Variants in XRCC5 observed in about 807,000 individuals in gnomAD.
XRCC5 encodes the protein X-ray repair cross complementing 5.
XRCC5 carries 12 observed loss-of-function variants against 95.7 expected under a neutral mutation model. The ratio of observed to expected loss-of-function variants is 0.13; its 90% CI spans 0.08 to 0.20. XRCC5 has a LOEUF of 0.20. Among genes scored for constraint, XRCC5 ranks in the 10% least tolerant of loss-of-function variants. XRCC5 has a pLI of 1.00. For missense variants in XRCC5, 595 were observed against 873.9 expected (o/e 0.68, Z 4.02); for synonymous variants, 281 against 290.3 (o/e 0.97, Z 0.33).
intron 2 of XRCC5, 91 bp from the exon 3 acceptor site, chr2:216,116,568 G>A: frequency 6.9e-7 from 1 of 1,458,762 alleles, no homozygotes; most frequent in Non-Finnish European, 9.5e-7. Context: ...GCCATAGGGA[G>A]GTCTGGTTGT....
At chr2:216,183,537 C>G (rs923383847) in intron 16 of XRCC5, among the ~76,000 whole-genome samples, 2 of 152,132 alleles carry the variant, frequency 1.3e-5, no homozygotes, top group Non-Finnish European at 2.9e-5. Flanking sequence ...AAATACAGGA[C>G]TGCATCTGTG....
At chr2:216,174,424 T>C (rs118384) in intron 16 of XRCC5, among the ~76,000 whole-genome samples, 38,885 of 152,060 alleles carry the variant, frequency 0.26, 6,116 homozygotes, top group Non-Finnish European at 0.37. Context: ...TAATTAACAA[T>C]AATCTTCTTT....
intron 19 of XRCC5, among the ~76,000 whole-genome samples, chr2:216,198,794 C>T (rs1689781909): frequency 6.6e-6 from 1 of 152,120 alleles, no homozygotes. Flanking sequence ...CTCAAGTGGT[C>T]CGCCCACCTT....
intron 14 of XRCC5, chr2:216,156,397 G>GAC: frequency 1.2e-6 from 1 of 810,532 alleles, no homozygotes; most frequent in South Asian, 1.3e-5. Context: ...TTAAGTGCTT[G>GAC]GCAACAAGTC....
intron 3 of XRCC5, chr2:216,117,539 G>A: frequency 2.0e-6 from 1 of 500,542 alleles, no homozygotes; most frequent in Non-Finnish European, 3.6e-6. Flanking sequence ...TATATTTCTT[G>A]GTTGTTTTTG....
chr2:216,194,104 C>T (rs1689670978), intron 18 of XRCC5, among the ~76,000 whole-genome samples: 1 of 152,172 alleles, frequency 6.6e-6, no homozygotes, highest in Admixed American at 6.5e-5. Flanking sequence ...CAAAAGCATA[C>T]AGTCATTTAA....
intron 11 of XRCC5, 25 bp downstream of exon 11, chr2:216,137,250 T>C (rs1697099163): frequency 6.3e-7 from 1 of 1,595,504 alleles, no homozygotes; most frequent in Non-Finnish European, 8.5e-7. Context: ...CTTAATGTTA[T>C]TTTTTTTCTT....
At chr2:216,199,977 C>T (rs1461117206) in intron 19 of XRCC5, among the ~76,000 whole-genome samples, 7 of 151,702 alleles carry the variant, frequency 4.6e-5, no homozygotes, top group Non-Finnish European at 7.4e-5. Flanking sequence ...ATGGATTTTC[C>T]ACCTTAGTAT....
At chr2:216,190,486 T>A in intron 17 of XRCC5, 152 bp downstream of exon 17, 1 of 562,542 alleles carries the variant, frequency 1.8e-6, no homozygotes, top group Non-Finnish European at 3.0e-6. Context: ...AAAAATGACT[T>A]AAATTCATGT....
At chr2:216,188,932 C>T (rs950169573) in intron 16 of XRCC5, among the ~76,000 whole-genome samples, 2 of 152,180 alleles carry the variant, frequency 1.3e-5, no homozygotes, top group African/African-American at 4.8e-5. Context: ...TAATGGAGAT[C>T]ATAATCTCCG....
Position 216,132,305 on chromosome 2 carries a change from A to G in XRCC5, c.1051-20A>G, listed in dbSNP as rs1433556447. 2.5e-6 allele frequency: 4 copies of G among 1,612,652 alleles called. No individual in the cohort carries two copies. Among genetic ancestry groups the G allele is most frequent in the Non-Finnish European group, 3.4e-6 (4 of 1,178,822 alleles). ...TGTTACTTATTTTGGATCAAAAGCA[A>G]TTCTTTTCCTCTCTTGTAGGTTCAG... is the stretch of plus-strand genomic sequence containing the variant. On this transcript the variant is annotated intron_variant, in intron 9 of 20. Transcript: ENST00000392132.
chr2:216,155,582 A>C (rs548387154), intron 14 of XRCC5, among the ~76,000 whole-genome samples: 1 of 152,334 alleles, frequency 6.6e-6, no homozygotes, highest in South Asian at 2.1e-4. Context: ...CAACCAGTGT[A>C]CTCGTCACTA....
intron 16 of XRCC5, among the ~76,000 whole-genome samples, chr2:216,180,693 C>G (rs1319117117): frequency 2.0e-5 from 3 of 152,010 alleles, no homozygotes; most frequent in Admixed American, 1.3e-4. Context: ...AGGAGAGGGC[C>G]CAAAGAAGGG....
At chr2:216,178,588 A>G (rs1317875770) in intron 16 of XRCC5, among the ~76,000 whole-genome samples, 3 of 152,240 alleles carry the variant, frequency 2.0e-5, no homozygotes, top group African/African-American at 7.2e-5. Flanking sequence ...CTTAGTAAGC[A>G]ATAATAAAAC....
At chr2:216,151,351 G>GGCA (rs1167548674) in intron 14 of XRCC5, among the ~76,000 whole-genome samples, 1 of 152,156 alleles carries the variant, frequency 6.6e-6, no homozygotes, top group Non-Finnish European at 1.5e-5. Flanking sequence ...GGACATCTCA[G>GGCA]GTCTAATCCT....
chr2:216,135,497 G>A (rs1697060644), intron 10 of XRCC5, among the ~76,000 whole-genome samples: 1 of 152,086 alleles, frequency 6.6e-6, no homozygotes, highest in Admixed American at 6.6e-5. Flanking sequence ...AGACAGTATA[G>A]AGGTAGAATT....
At chr2:216,200,838 A>G (rs1389564706) in intron 19 of XRCC5, among the ~76,000 whole-genome samples, 2 of 152,156 alleles carry the variant, frequency 1.3e-5, no homozygotes, top group African/African-American at 4.8e-5. Context: ...TTTTACCACA[A>G]TTTATTCATC....
intron 13 of XRCC5, among the ~76,000 whole-genome samples, chr2:216,141,629 A>G (rs1697174345): frequency 7.3e-6 from 1 of 137,232 alleles, no homozygotes; most frequent in South Asian, 2.3e-4. Flanking sequence ...GCTGGAGTGC[A>G]GTGTTGTGAT....
chr2:216,135,903 A>G (rs1278183661), intron 10 of XRCC5, among the ~76,000 whole-genome samples: 3 of 152,106 alleles, frequency 2.0e-5, no homozygotes, highest in Non-Finnish European at 4.4e-5. Flanking sequence ...TAGGGAATCC[A>G]GGAGGAGAAT....
Sources: allele counts gnomAD v4.1 joint callset (sites outside exome capture counted in the v4.1 genomes callset), GRCh38; gene constraint gnomAD v4.1.1; transcripts MANE v1.5; gene names NCBI Gene and HGNC (gene_info 2026-07-23, HGNC 2026-07-21).